PDZD2: variants seen among roughly 807,000 people sequenced by gnomAD.
PDZD2 encodes the protein PDZ domain-containing protein 2.
Under a neutral mutation model 220.7 loss-of-function variants are expected in PDZD2, and 90 were observed. The ratio of observed to expected loss-of-function variants is 0.41; its 90% confidence interval spans 0.34 to 0.49. PDZD2 has a LOEUF of 0.49. PDZD2 is among the 20% of genes least tolerant of loss of function. The pLI, the probability that PDZD2 is intolerant of heterozygous loss-of-function variation, is 0.28. For synonymous variants in PDZD2, 1,375 were observed against 1,450.5 expected, an observed-to-expected ratio of 0.95 and a Z score of 1.18; for missense variants, 3,174 against 3,608.5, an observed-to-expected ratio of 0.88 and a Z score of 3.08.
intron 6 of PDZD2, among the ~76,000 whole-genome samples, chr5:32,028,317 C>CT (rs911924983): frequency 1.1e-3 from 174 of 152,286 alleles, no homozygotes; most frequent in African/African-American, 4.1e-3. Context: ...GGATATTTAG[C>CT]TTGGACCTAA....
At chr5:31,963,176 G>A (rs1317190086) in intron 2 of PDZD2, among the ~76,000 whole-genome samples, 1 of 152,192 alleles carries the variant, frequency 6.6e-6, no homozygotes, top group Non-Finnish European at 1.5e-5. Context: ...CCCAGAGCTG[G>A]ACTTTGATGT....
In PDZD2 at chr5:32,061,038, C is replaced by T. The variant is rs2112343896; in HGVS notation, c.2355C>T (p.Asn785=). The T allele has an allele frequency of 1.9e-6, 3 of 1,614,114 alleles. No individual in the cohort carries two copies. Among genetic ancestry groups the T allele is most frequent in the Non-Finnish European group, 2.5e-6 (3 of 1,179,962 alleles). The change falls in exon 14 of 25, where the codon AAC becomes AAT. Residue 785 remains asparagine (N), a synonymous_variant. Transcript: ENST00000438447. The part of the protein sequence containing the change: ...GDQILEVNSV[N]VRHAALSKVH... ...AAATCCTGGAAGTGAACTCCGTCAA[C>T]GTCCGCCATGCTGCTTTAAGCAAAG... is the stretch of plus-strand genomic sequence containing the variant.
At chr5:31,759,285 T>C (rs1751488075) in intron 1 of PDZD2, among the ~76,000 whole-genome samples, 1 of 152,176 alleles carries the variant, frequency 6.6e-6, no homozygotes, top group South Asian at 2.1e-4. Context: ...TTTGAACAGC[T>C]GGTAGTGCAC....
At chr5:31,923,014 C>T (rs553348898) in intron 2 of PDZD2, among the ~76,000 whole-genome samples, 24 of 149,076 alleles carry the variant, frequency 1.6e-4, no homozygotes, top group African/African-American at 4.7e-4. Context: ...GCTTGCAGGC[C>T]GGGCGTGGTG....
intron 2 of PDZD2, among the ~76,000 whole-genome samples, chr5:31,962,912 C>T (rs958187748): frequency 2.6e-5 from 4 of 152,174 alleles, no homozygotes; most frequent in Non-Finnish European, 4.4e-5. Context: ...TAATTTTTCT[C>T]GGTGTTTGTT....
intron 1 of PDZD2, among the ~76,000 whole-genome samples, chr5:31,771,989 T>G (rs957727203): frequency 2.6e-5 from 4 of 152,154 alleles, no homozygotes; most frequent in Non-Finnish European, 5.9e-5. Flanking sequence ...TGTAAATCAA[T>G]GAAGGTGGAG....
At position 32,010,429 on chromosome 5, in the gene PDZD2, C is replaced by G; in HGVS notation, c.1354C>G (p.Gln452Glu). Residue 452 changes from glutamine (Q) to glutamate (E), a missense_variant, in exon 6 of 25, where the codon CAG becomes GAG. This residue lies in a region of PDZD2 where 632 missense variants were observed against 708.1 expected (regional missense o/e 0.89). Transcript: ENST00000438447. The part of the protein sequence containing the change: ...DVSSWTDNED[Q>E]EADGEEDEGT... ...GTCCTCCTGGACTGATAACGAAGAC[C>G]AGGAGGCAGACGGGGAAGAGGACGA... is the stretch of plus-strand genomic sequence containing the variant. 1 of 1,612,730 alleles carries G rather than the reference C, an allele frequency of 6.2e-7. No individual in the cohort carries two copies.
chr5:32,048,417 T>A, intron 7 of PDZD2, 122 bp from the exon 8 acceptor site: 1 of 750,674 alleles, frequency 1.3e-6, no homozygotes, highest in South Asian at 1.7e-5. Flanking sequence ...TTGAGTGTAT[T>A]GGACGCTAGG....
At chr5:31,829,290 C>T (rs735604) in intron 2 of PDZD2, among the ~76,000 whole-genome samples, 121,484 of 151,798 alleles carry the variant, frequency 0.8, 49,633 homozygotes, top group African/African-American at 0.88. Flanking sequence ...CTTTGAAATA[C>T]GATATACGTA....
chr5:31,881,042 C>T (rs189702575), intron 2 of PDZD2, among the ~76,000 whole-genome samples: 9 of 151,674 alleles, frequency 5.9e-5, no homozygotes, highest in East Asian at 2.0e-4. Flanking sequence ...CCTTGTGATA[C>T]GCCCGCCTAG....
At chr5:31,668,446 T>C (rs1012767758) in intron 1 of PDZD2, among the ~76,000 whole-genome samples, 3 of 152,220 alleles carry the variant, frequency 2.0e-5, no homozygotes, top group African/African-American at 7.2e-5. Flanking sequence ...TAGAGCAACT[T>C]TGACCATTGC....
chr5:32,098,831 A>T lies in PDZD2; in HGVS notation c.8218+197A>T, dbSNP rs1396349946. ...TAGAAAAAAATTAGAAAATTAGAAA[A>T]ATCCCCCCAGTAGTTCAAGCTGTAC... On this transcript the variant is annotated intron_variant, in intron 23 of 24. Transcript: ENST00000438447. The surrounding 1 kb of genome is among the most constrained non-coding windows in gnomAD (Gnocchi z 4.1). 1.3e-5 allele frequency among the ~76,000 whole-genome samples: 2 copies of T among 152,206 alleles called. No individual in the cohort carries two copies. Among genetic ancestry groups the T allele is most frequent in the Non-Finnish European group, 2.9e-5 (2 of 68,040 alleles).
intron 5 of PDZD2, among the ~76,000 whole-genome samples, chr5:32,002,590 C>CCCCA (rs1554022399): frequency 2.1e-5 from 3 of 143,284 alleles, no homozygotes; most frequent in Non-Finnish European, 4.6e-5. Flanking sequence ...CTCACACATA[C>CCCCA]CACACACACA....
chr5:31,960,416 G>C (rs2111689808), intron 2 of PDZD2, among the ~76,000 whole-genome samples: 1 of 152,096 alleles, frequency 6.6e-6, no homozygotes, highest in South Asian at 2.1e-4. Context: ...GACACAGTTG[G>C]TCAGGCTGGT....
At chr5:31,899,259 T>G (rs1741869102) in intron 2 of PDZD2, among the ~76,000 whole-genome samples, 1 of 152,128 alleles carries the variant, frequency 6.6e-6, no homozygotes, top group African/African-American at 2.4e-5. Flanking sequence ...GCCTCCCACA[T>G]AGCTGGGATT....
intron 2 of PDZD2, among the ~76,000 whole-genome samples, chr5:31,954,885 C>T (rs531041226): frequency 2.5e-4 from 38 of 152,046 alleles, no homozygotes; most frequent in African/African-American, 9.2e-4. Context: ...TGCAGTGAGC[C>T]GAGATCGCGC....
intron 2 of PDZD2, among the ~76,000 whole-genome samples, chr5:31,896,397 AG>A (rs932056117): frequency 3.3e-5 from 5 of 150,048 alleles, no homozygotes; most frequent in Admixed American, 1.3e-4. Flanking sequence ...CCACCTACCT[AG>A]GGTCACAGTT....
chr5:31,773,484 C>CA (rs56843716), intron 1 of PDZD2, among the ~76,000 whole-genome samples: 17,013 of 111,406 alleles, frequency 0.15, 1,104 homozygotes, highest in Middle Eastern at 0.22. Flanking sequence ...ACTAAAAATA[C>CA]AAAAAAAAAA....
rs148747205 is a variant in PDZD2 at position 32,014,250 on chromosome 5, G to A, written c.1407+3768G>A. 8.5e-3 allele frequency among the ~76,000 whole-genome samples: 1,297 copies of A among 152,258 alleles called. 13 individuals are homozygous for A. The highest frequency in any genetic ancestry group is 0.029 in the African/African-American group (1,184 of 41,542). On this transcript the variant is annotated intron_variant, in intron 6 of 24. Transcript: ENST00000438447. Reference sequence around the variant, plus strand: ...TGGACTGTTTTTGCACCTGTATGTCGTCGTGTACTCCGAGCACTTAAGCTG... The same window carrying A: ...TGGACTGTTTTTGCACCTGTATGTCATCGTGTACTCCGAGCACTTAAGCTG...
Sources: gnomAD v4.1 joint callset for allele counts (sites outside exome capture counted in the v4.1 genomes callset) on GRCh38, gnomAD v4.1.1 for gene constraint, gnomAD v4.1.1 regional missense constraint, Gnocchi (gnomAD v3.1) non-coding constraint, MANE v1.5 for transcripts, NCBI Gene and HGNC (gene_info 2026-07-23, HGNC 2026-07-21) for gene names.